CDHR3: variants seen among roughly 807,000 people sequenced by gnomAD.
The protein encoded by CDHR3 is cadherin-related family member 3.
In CDHR3, 79 loss-of-function variants were observed where a neutral mutation model predicts 86.6. The observed-to-expected ratio is 0.91, with a 90% CI of 0.76 to 1.10. The LOEUF (loss-of-function observed/expected upper bound fraction) is 1.10, where lower values mean the gene tolerates loss of function less well. Ranked by LOEUF, CDHR3 falls within the 50% of genes least tolerant of loss-of-function variation. The pLI, the probability that CDHR3 is intolerant of heterozygous loss-of-function variation, is 0.00. For missense variants in CDHR3, 1,081 were observed against 1,077.6 expected, an observed-to-expected ratio of 1.00 and a Z score of -0.04; for synonymous variants, 421 against 402.4, an observed-to-expected ratio of 1.05 and a Z score of -0.55.
chr7:105,993,200 C>A (rs1052460293), intron 4 of CDHR3, among the ~76,000 whole-genome samples: 2 of 152,212 alleles, frequency 1.3e-5, no homozygotes, highest in African/African-American at 4.8e-5. Context: ...AACCTTCTAA[C>A]CTTAAAGCCC....
chr7:106,030,755 A>G lies in CDHR3; in HGVS notation c.2305-37A>G. 6.3e-7 allele frequency: 1 copy of G among 1,595,426 alleles called. No individual in the cohort carries two copies. The highest frequency in any genetic ancestry group is 8.6e-7 in the Non-Finnish European group (1 of 1,168,308). On this transcript the variant is annotated intron_variant, in intron 17 of 18. Coordinates refer to ENST00000317716, the MANE Select transcript of CDHR3 (RefSeq NM_152750.5). This position sits in a 1 kb window ranked among gnomAD's most constrained non-coding sequence, Gnocchi z 4.8. Reference sequence around the variant, plus strand: ...TAGCTTTGCCTGGGGGAAGGAATGTAGGATTGTGTTTGATGCTGTCTCTGT... The same window carrying G: ...TAGCTTTGCCTGGGGGAAGGAATGTGGGATTGTGTTTGATGCTGTCTCTGT...
intron 1 of CDHR3, among the ~76,000 whole-genome samples, chr7:105,970,578 G>A (rs1275260153): frequency 6.6e-6 from 1 of 152,198 alleles, no homozygotes; most frequent in Non-Finnish European, 1.5e-5. Flanking sequence ...GCCATGGAAG[G>A]AAAGTATGCG....
chr7:105,984,215 A>C lies in CDHR3; in HGVS notation c.439A>C (p.Arg147=), dbSNP rs753960471. 1.9e-5 allele frequency: 31 copies of C among 1,609,456 alleles called. No individual in the cohort carries two copies. Among genetic ancestry groups the C allele is most frequent in the Non-Finnish European group, 2.5e-5 (30 of 1,176,844 alleles). The part of the protein sequence containing the change: ...AEGLHLYIVE[R]ANPGFIYQVE... ...AGGTCTACACCTCTACATAGTAGAA[A>C]GAGCAAACCCTGGATTCATTTACCA... The change falls in exon 4 of 19, where the codon AGA becomes CGA. Residue 147 remains arginine, a synonymous_variant. Coordinates refer to ENST00000317716, the MANE Select transcript of CDHR3 (RefSeq NM_152750.5).
At position 106,033,266 on chromosome 7, in the gene CDHR3, T is replaced by A. The variant is rs1585894435; in HGVS notation, c.*569T>A. 6.5e-6 allele frequency: 1 copy of A among 153,532 alleles called. No individual in the cohort carries two copies. The highest frequency in any genetic ancestry group is 2.4e-5 in the African/African-American group (1 of 41,450). 9.5% of individuals were successfully genotyped at this position (153,532 alleles called of 1,614,324 possible). A position where few individuals can be genotyped will look rare whatever the true frequency, so the allele number is the denominator to read the frequency against. On this transcript the variant is annotated 3_prime_UTR_variant, in exon 19 of 19. Transcript: ENST00000317716. The stretch of plus-strand genomic sequence containing the variant: ...AAACTCAGTAGGCACCTTCTTTTGT[T>A]TTTTCTTGTGGTGTCCGGATCAGCA...
chr7:106,027,253 C>T (rs1234941746), intron 16 of CDHR3, among the ~76,000 whole-genome samples: 3 of 152,058 alleles, frequency 2.0e-5, no homozygotes, highest in South Asian at 2.1e-4. Flanking sequence ...AAAAATTAGC[C>T]GGGCATGGTG....
chr7:105,969,385 G>A (rs1330391395), intron 1 of CDHR3, among the ~76,000 whole-genome samples: 4 of 120,886 alleles, frequency 3.3e-5, no homozygotes, highest in African/African-American at 9.5e-5. Context: ...GGGCGACAGC[G>A]AGACTCCGTC....
At chr7:105,980,622 A>ATTTTTTTTT (rs1563239016) in intron 2 of CDHR3, among the ~76,000 whole-genome samples, 2 of 28,142 alleles carry the variant, frequency 7.1e-5, no homozygotes, top group Non-Finnish European at 1.5e-4. Context: ...TTTTTTTTTT[A>ATTTTTTTTT]ATTTTTTTTT....
chr7:106,028,747 A>G (rs147218766), intron 17 of CDHR3, among the ~76,000 whole-genome samples, 165 bp downstream of exon 17: 1 of 152,192 alleles, frequency 6.6e-6, no homozygotes, highest in African/African-American at 2.4e-5. Context: ...CTCCTGATAG[A>G]ATTTGTTCCC....
At chr7:106,027,984 G>A (rs991864238) in intron 16 of CDHR3, among the ~76,000 whole-genome samples, 2 of 151,930 alleles carry the variant, frequency 1.3e-5, no homozygotes, top group South Asian at 4.2e-4. Flanking sequence ...TAAATTAGCT[G>A]GGTGTGGTAG....
intron 7 of CDHR3, among the ~76,000 whole-genome samples, chr7:106,002,129 C>G (rs1833285047): frequency 6.6e-6 from 1 of 151,792 alleles, no homozygotes; most frequent in South Asian, 2.1e-4. Context: ...GGGTTGACAG[C>G]TATGTCACCC....
chr7:106,026,853 A>T (rs989547153), intron 16 of CDHR3, among the ~76,000 whole-genome samples, 158 bp downstream of exon 16: 2 of 152,202 alleles, frequency 1.3e-5, no homozygotes, highest in Admixed American at 6.5e-5. Context: ...GGTCGGTTGC[A>T]GCTGGAGAAT....
chr7:106,000,921 AAGG>A (rs1447004506), intron 6 of CDHR3, among the ~76,000 whole-genome samples: 9 of 65,482 alleles, frequency 1.4e-4, no homozygotes, highest in South Asian at 6.7e-4. Flanking sequence ...AAAAAAAGAC[AAGG>A]AAGAAAAAAA....
rs1485050992 is a variant in CDHR3, at chr7:106,028,563, C to T, written c.2285C>T (p.Ala762Val). The stretch of plus-strand genomic sequence containing the variant: ...CTGTTCTCTGCAGAAACGAAGACTG[C>T]AGAGAGAGACGTCGTGGTGGTGAGT... ...PLTKKGETKT[A>V]ERDVVVETIQ... The change falls in exon 17 of 19, where the codon GCA becomes GTA. Residue 762 changes from alanine (A) to valine (V), a missense_variant. Coordinates refer to ENST00000317716, the MANE Select transcript of CDHR3 (RefSeq NM_152750.5). The T allele has an allele frequency of 6.2e-7, 1 of 1,613,920 alleles. No individual in the cohort carries two copies. Among genetic ancestry groups the T allele is most frequent in the Admixed American group, 1.7e-5 (1 of 60,022 alleles).
chr7:106,030,791 G>A lies in CDHR3; in HGVS notation c.2305-1G>A, dbSNP rs1838209574. On this transcript the variant is annotated splice_acceptor_variant, in intron 17 of 18. Coordinates refer to ENST00000317716, the MANE Select transcript of CDHR3 (RefSeq NM_152750.5). LOFTEE classifies it high-confidence loss of function. This position sits in a 1 kb window ranked among gnomAD's most constrained non-coding sequence, Gnocchi z 4.8. ...TGATGCTGTCTCTGTCTTCTCCTTAGGAAACTATCCAGATGAACACTATCT... is the reference window on the plus strand; with the variant it reads ...TGATGCTGTCTCTGTCTTCTCCTTAAGAAACTATCCAGATGAACACTATCT... The A allele has an allele frequency of 1.2e-6, 2 of 1,610,554 alleles. No homozygotes were observed. Among genetic ancestry groups the A allele is most frequent in the Non-Finnish European group, 1.7e-6 (2 of 1,178,438 alleles).
intron 1 of CDHR3, among the ~76,000 whole-genome samples, chr7:105,970,072 G>C (rs1354285481): frequency 1.3e-5 from 2 of 152,080 alleles, no homozygotes; most frequent in Non-Finnish European, 2.9e-5. Flanking sequence ...GTTTGATTAG[G>C]TACTAGAGAG....
At chr7:106,016,503 T>A (rs1279836849) in intron 11 of CDHR3, among the ~76,000 whole-genome samples, 4 of 152,198 alleles carry the variant, frequency 2.6e-5, no homozygotes, top group Non-Finnish European at 4.4e-5. Flanking sequence ...AACACCCTGC[T>A]TTTTGCAGGC....
At chr7:105,990,457 G>C (rs543251905) in intron 4 of CDHR3, among the ~76,000 whole-genome samples, 4 of 152,326 alleles carry the variant, frequency 2.6e-5, no homozygotes, top group African/African-American at 9.6e-5. Flanking sequence ...GGAAAACAAA[G>C]AGAGGAATTG....
At chr7:105,967,581 A>T (rs193801) in intron 1 of CDHR3, among the ~76,000 whole-genome samples, 22,705 of 152,202 alleles carry the variant, frequency 0.15, 1,824 homozygotes, top group South Asian at 0.25. Context: ...ACAGCGTAAA[A>T]GCGTTCCTAT....
intron 8 of CDHR3, among the ~76,000 whole-genome samples, chr7:106,011,074 A>G (rs1308440578): frequency 5.3e-5 from 8 of 152,234 alleles, no homozygotes; most frequent in Admixed American, 5.2e-4. Context: ...CTCATGGTTA[A>G]AGGTCTTCCA....
Sources: gnomAD v4.1 joint callset for allele counts (sites outside exome capture counted in the v4.1 genomes callset) on GRCh38, gnomAD v4.1.1 for gene constraint, Gnocchi (gnomAD v3.1) non-coding constraint, MANE v1.5 for transcripts, NCBI Gene and HGNC (gene_info 2026-07-23, HGNC 2026-07-21) for gene names.